The following RGL1 variants were observed in gnomAD, a reference collection of about 807,000 sequenced individuals.
RGL1 encodes ral guanine nucleotide dissociation stimulator like 1, also known as ral guanine nucleotide dissociation stimulator-like 1.
In RGL1, 24 loss-of-function variants were observed where a neutral mutation model predicts 95.2. The ratio of observed to expected loss-of-function variants is 0.25; its 90% CI spans 0.18 to 0.35. The LOEUF (loss-of-function observed/expected upper bound fraction) is 0.35. RGL1 is among the 10% of genes least tolerant of loss of function. RGL1 has a pLI of 1.00. For missense variants in RGL1, 715 were observed against 936.3 expected, an observed-to-expected ratio of 0.76 and a Z score of 3.08; for synonymous variants, 329 against 344.9, an observed-to-expected ratio of 0.95 and a Z score of 0.51.
intron 2 of RGL1, among the ~76,000 whole-genome samples, chr1:183,815,670 G>A (rs756337070): frequency 2.6e-5 from 4 of 152,170 alleles, no homozygotes; most frequent in Non-Finnish European, 2.9e-5. Flanking sequence ...CCACATGTGA[G>A]CTATACAGGC....
At chr1:183,833,158 C>G (rs1263748551) in intron 2 of RGL1, among the ~76,000 whole-genome samples, 1 of 152,160 alleles carries the variant, frequency 6.6e-6, no homozygotes, top group African/African-American at 2.4e-5. Flanking sequence ...TTTAAAGCAG[C>G]TCAAAGTGTA....
rs773606545 is a variant in RGL1 at position 183,648,456 on chromosome 1, A to G, written c.-33+11955A>G. On this transcript the variant is annotated intron_variant, in intron 1 of 18. Coordinates refer to the RGL1 transcript ENST00000304685. ...ATGCCTGATGCTGTCATTATTGTAT[A>G]TGGCTGAGTCAAGATAACCATTCAT... 5 of 1,614,248 alleles carry G rather than the reference A, an allele frequency of 3.1e-6. No individual in the cohort carries two copies. In the South Asian group the frequency reaches 4.4e-5, roughly 14 times the overall value.
At chr1:183,921,320 T>G (rs750104308) in intron 16 of RGL1, among the ~76,000 whole-genome samples, 2 of 152,224 alleles carry the variant, frequency 1.3e-5, no homozygotes, top group African/African-American at 2.4e-5. Context: ...TAACTATATA[T>G]ATCTATGAAA....
intron 14 of RGL1, among the ~76,000 whole-genome samples, chr1:183,909,083 G>C (rs747317542): frequency 3.3e-5 from 5 of 152,212 alleles, no homozygotes; most frequent in Non-Finnish European, 5.9e-5. Flanking sequence ...TCTCTTACTA[G>C]TAAAATCTTG....
rs572775062 is a variant in RGL1 at position 183,659,271 on chromosome 1, G to T, written c.-33+22770G>T. Among the ~76,000 whole-genome samples the T allele has an allele frequency of 4.5e-3, 687 of 152,278 alleles. 3 individuals carry two copies. Among genetic ancestry groups the T allele is most frequent in the Non-Finnish European group, 8.0e-3 (545 of 68,024 alleles). ...ATCAAACTACTCCGAGCTACAGGAG[G>T]AAATTCAAACCAAAGGCAAAGAAGT... On this transcript the variant is annotated intron_variant, in intron 1 of 18. Transcript: ENST00000304685.
At chr1:183,719,941 A>G (rs1169304787) in intron 1 of RGL1, among the ~76,000 whole-genome samples, 3 of 152,040 alleles carry the variant, frequency 2.0e-5, no homozygotes, top group Non-Finnish European at 4.4e-5. Flanking sequence ...AGGAAAGGGG[A>G]CCTTGGGAGC....
intron 2 of RGL1, among the ~76,000 whole-genome samples, chr1:183,758,106 C>G (rs1658452788): frequency 6.6e-6 from 1 of 152,130 alleles, no homozygotes; most frequent in Admixed American, 6.5e-5. Flanking sequence ...TGTGGCTAGG[C>G]TTCTATCTCA....
intron 2 of RGL1, among the ~76,000 whole-genome samples, chr1:183,776,379 A>G (rs1180470880): frequency 6.6e-6 from 1 of 151,320 alleles, no homozygotes; most frequent in African/African-American, 2.4e-5. Flanking sequence ...CGATCTCCTG[A>G]CCTCGTGATC....
intron 1 of RGL1, among the ~76,000 whole-genome samples, chr1:183,689,449 AT>A (rs1385199695): frequency 6.6e-6 from 1 of 151,800 alleles, no homozygotes; most frequent in Non-Finnish European, 1.5e-5. Context: ...ATTCATACCA[AT>A]TTTTTTTAGC....
At chr1:183,704,112 G>C (rs1430920263) in intron 1 of RGL1, among the ~76,000 whole-genome samples, 1 of 152,198 alleles carries the variant, frequency 6.6e-6, no homozygotes, top group African/African-American at 2.4e-5. Context: ...GCCTTGCACA[G>C]GTTGTAGGTG....
rs189050051 is a variant in RGL1, at chr1:183,835,961, A to T, written c.139-11605A>T. On this transcript the variant is annotated intron_variant, in intron 2 of 17. Coordinates refer to ENST00000360851, the MANE Select transcript of RGL1 (RefSeq NM_001297671.3). Reference sequence around the variant, plus strand: ...TTGTGTTTTTAGGGAATATTCCATGATTGAAAGACAGGGCTGGTTTTATAT... The same window carrying T: ...TTGTGTTTTTAGGGAATATTCCATGTTTGAAAGACAGGGCTGGTTTTATAT... Among the ~76,000 whole-genome samples the T allele has an allele frequency of 1.4e-3, 208 of 152,320 alleles. 1 individual carries two copies. The highest frequency in any genetic ancestry group is 4.7e-3 in the African/African-American group (196 of 41,576).
In RGL1 at chr1:183,912,075, T is replaced by C. The variant is rs764978180; in HGVS notation, c.1563-7T>C. The C allele has an allele frequency of 6.2e-7, 1 of 1,610,438 alleles. No individual in the cohort carries two copies. Among genetic ancestry groups the C allele is most frequent in the South Asian group, 1.1e-5 (1 of 90,552 alleles). On this transcript the variant is annotated splice_region_variant and splice_polypyrimidine_tract_variant and intron_variant, in intron 14 of 17. Transcript: ENST00000360851. ...GCCCAAATGCTTGGCATTCTGTTTT[T>C]TTCCAGACTGTTTCTAGGGTCTGAC...
chr1:183,647,703 T>C (rs761122242), intron 1 of RGL1: 1 of 1,601,724 alleles, frequency 6.2e-7, no homozygotes, highest in Non-Finnish European at 8.5e-7. Flanking sequence ...CTTCTTCTTC[T>C]TTTCATCTGC....
At chr1:183,925,971 C>A (rs1558299333) in intron 17 of RGL1, 134 bp from the exon 18 acceptor site, 1 of 605,274 alleles carries the variant, frequency 1.7e-6, no homozygotes, top group East Asian at 3.3e-5. Flanking sequence ...TGATCACTGT[C>A]TGGTTCAGGT....
chr1:183,904,843 G>C lies in RGL1; in HGVS notation c.1351-7G>C, dbSNP rs778367904. 1.8e-5 allele frequency: 28 copies of C among 1,598,596 alleles called. No individual in the cohort carries two copies. Among genetic ancestry groups the C allele is most frequent in the Middle Eastern group, 3.3e-4 (2 of 6,006 alleles). ...TTTTTTAATTTTTGGTATTCTGTCT[G>C]CTTTAGGAATTTGAAGTGATTGCCC... On this transcript the variant is annotated splice_region_variant and splice_polypyrimidine_tract_variant and intron_variant, in intron 12 of 17. Coordinates refer to ENST00000360851, the MANE Select transcript of RGL1 (RefSeq NM_001297671.3).
chr1:183,697,560 C>T (rs1433061539), intron 1 of RGL1, among the ~76,000 whole-genome samples: 4 of 152,288 alleles, frequency 2.6e-5, no homozygotes, highest in Admixed American at 6.5e-5. Context: ...GAATTTTAAT[C>T]ATTTTAAATT....
chr1:183,884,567 CT>C (rs1267813153), intron 6 of RGL1, among the ~76,000 whole-genome samples, 155 bp from the exon 7 acceptor site: 1 of 152,132 alleles, frequency 6.6e-6, no homozygotes, highest in Non-Finnish European at 1.5e-5. Flanking sequence ...TAATTATTTA[CT>C]TTTGTCTGTT....
chr1:183,883,551 A>G (rs541025196), intron 5 of RGL1, among the ~76,000 whole-genome samples: 40 of 152,312 alleles, frequency 2.6e-4, no homozygotes, highest in African/African-American at 9.1e-4. Context: ...CCTAGGAGCC[A>G]GTGATTTGTC....
At chr1:183,680,012 A>G (rs1270590859) in intron 1 of RGL1, among the ~76,000 whole-genome samples, 1 of 152,004 alleles carries the variant, frequency 6.6e-6, no homozygotes, top group South Asian at 2.1e-4. Flanking sequence ...GCATAAATGT[A>G]TTCTTTTGAG....
Sources: allele counts gnomAD v4.1 joint callset (sites outside exome capture counted in the v4.1 genomes callset), GRCh38; gene constraint gnomAD v4.1.1; transcripts MANE v1.5; gene names NCBI Gene and HGNC (gene_info 2026-07-23, HGNC 2026-07-21).